Variants in DPYSL2 observed in about 807,000 individuals in gnomAD.
The protein encoded by DPYSL2 is dihydropyrimidinase-related protein 2.
In DPYSL2, 13 loss-of-function variants were observed where a neutral mutation model predicts 69.9. The observed-to-expected ratio is 0.19, with a 90% CI of 0.12 to 0.30. DPYSL2 has a LOEUF of 0.30. Ranked by LOEUF, DPYSL2 falls within the 10% of genes least tolerant of loss-of-function variation. DPYSL2 has a pLI of 1.00. For synonymous variants in DPYSL2, 326 were observed against 359.1 expected (o/e 0.91, Z 1.04); for missense variants, 587 against 918.9 (o/e 0.64, Z 4.67).
chr8:26,590,314 T>A (rs68019818), intron 3 of DPYSL2, among the ~76,000 whole-genome samples: 56,784 of 152,072 alleles, frequency 0.37, 12,883 homozygotes, highest in East Asian at 0.68. Context: ...GCTCCTCCCC[T>A]TGTCCCCTCA....
intron 1 of DPYSL2, chr8:26,577,329 C>T (rs1161158704): frequency 8.4e-6 from 2 of 239,352 alleles, no homozygotes; most frequent in South Asian, 4.1e-5. Flanking sequence ...TCCCGCCCGC[C>T]GCCGTTCCAG....
At chr8:26,529,196 C>A (rs1266381234) in intron 1 of DPYSL2, among the ~76,000 whole-genome samples, 1 of 151,936 alleles carries the variant, frequency 6.6e-6, no homozygotes, top group Admixed American at 6.6e-5. Context: ...GGCCTAAGAT[C>A]GTTATAAGAT....
chr8:26,625,830 A>G (rs1802600439), intron 4 of DPYSL2, among the ~76,000 whole-genome samples: 1 of 152,240 alleles, frequency 6.6e-6, no homozygotes, highest in South Asian at 2.1e-4. Flanking sequence ...TAAAATAAAT[A>G]TAACATTCAA....
chr8:26,579,240 C>CA (rs1563394591), intron 1 of DPYSL2, among the ~76,000 whole-genome samples: 3 of 152,220 alleles, frequency 2.0e-5, no homozygotes. Context: ...TTGCAAACCA[C>CA]GGGGAAAACG....
chr8:26,649,501 T>A (rs1209018453), intron 11 of DPYSL2, among the ~76,000 whole-genome samples: 2 of 152,222 alleles, frequency 1.3e-5, no homozygotes, highest in African/African-American at 2.4e-5. Flanking sequence ...CCTACCCTGC[T>A]TTTACCTCCA....
Position 26,627,090 on chromosome 8 carries a change from G to A in DPYSL2, c.856-125G>A. ...CCCTCATCATATCAAAAAAAGTCAG[G>A]CTAATAGAATCGCCTAGGTGTCCTG... On this transcript the variant is annotated intron_variant, in intron 5 of 13. Coordinates refer to ENST00000521913, the MANE Select transcript of DPYSL2 (RefSeq NM_001197293.3). The surrounding 1 kb of genome is among the most constrained non-coding windows in gnomAD (Gnocchi z 6.9). The A allele has an allele frequency of 1.2e-6, 1 of 840,152 alleles. No homozygotes were observed. Among genetic ancestry groups the A allele is most frequent in the Non-Finnish European group, 1.9e-6 (1 of 513,952 alleles). The allele number at this position is 840,152 out of a possible 1,614,324, so 52.0% of individuals were successfully genotyped here.
At chr8:26,612,479 C>T (rs886596129) in intron 3 of DPYSL2, among the ~76,000 whole-genome samples, 9 of 152,126 alleles carry the variant, frequency 5.9e-5, no homozygotes, top group African/African-American at 1.4e-4. Context: ...GTAGATTCTC[C>T]GCAAGAATGG....
At chr8:26,628,984 T>TGTGTA (rs899602535) in intron 7 of DPYSL2, among the ~76,000 whole-genome samples, 6 of 152,260 alleles carry the variant, frequency 3.9e-5, no homozygotes, top group African/African-American at 1.4e-4. Context: ...AGGCACCATC[T>TGTGTA]GTGTACTGCC....
chr8:26,577,811 G>A, intron 1 of DPYSL2: 1 of 993,972 alleles, frequency 1.0e-6, no homozygotes, highest in South Asian at 4.4e-5. Context: ...CCGCCCCACC[G>A]GCCTAAATTT....
intron 1 of DPYSL2, among the ~76,000 whole-genome samples, chr8:26,559,390 T>G (rs2129656923): frequency 6.6e-6 from 1 of 152,350 alleles, no homozygotes; most frequent in South Asian, 2.1e-4. Context: ...CCACAAAGAT[T>G]GTACCAATTT....
rs566192095 is a variant in DPYSL2, at chr8:26,644,834, A to G, written c.1425+743A>G. On this transcript the variant is annotated intron_variant, in intron 10 of 13. Coordinates refer to ENST00000521913, the MANE Select transcript of DPYSL2 (RefSeq NM_001197293.3). The surrounding 1 kb of genome is among the most constrained non-coding windows in gnomAD (Gnocchi z 4.5). The stretch of plus-strand genomic sequence containing the variant: ...ACTGCCAGCTTCCAGTAGGCCTGCT[A>G]TGAACATACACTGACCTTTAGAGGA... Among the ~76,000 whole-genome samples, 13 of 152,300 alleles carry G rather than the reference A, an allele frequency of 8.5e-5. No homozygotes were observed. The highest frequency in any genetic ancestry group is 2.1e-4 in the South Asian group (1 of 4,824).
At chr8:26,523,604 A>G (rs930437000) in intron 1 of DPYSL2, among the ~76,000 whole-genome samples, 3 of 152,184 alleles carry the variant, frequency 2.0e-5, no homozygotes, top group Non-Finnish European at 2.9e-5. Context: ...TTCACTTAGC[A>G]TAATGTCCTC....
rs1353251368 is a variant in DPYSL2, at chr8:26,598,404, C to A, written c.628+14421C>A. ...CTCCTGAATTTCTTTTCTTGCTAAG[C>A]CTATTCAGCTCTGTTTTTTAGAGAG... On this transcript the variant is annotated intron_variant, in intron 3 of 13. Transcript: ENST00000521913. This position sits in a 1 kb window ranked among gnomAD's most constrained non-coding sequence, Gnocchi z 4.2. 6.6e-6 allele frequency among the ~76,000 whole-genome samples: 1 copy of A among 152,134 alleles called. No homozygotes were observed. Among genetic ancestry groups the A allele is most frequent in the East Asian group, 1.9e-4 (1 of 5,194 alleles).
chr8:26,547,913 A>G, intron 1 of DPYSL2: 1 of 272,236 alleles, frequency 3.7e-6, no homozygotes, highest in Non-Finnish European at 7.7e-6. Flanking sequence ...TCCCCATCCC[A>G]GACCCTCTAT....
chr8:26,573,141 GAAT>G (rs1352792276), intron 1 of DPYSL2, among the ~76,000 whole-genome samples: 1 of 152,220 alleles, frequency 6.6e-6, no homozygotes, highest in Non-Finnish European at 1.5e-5. Flanking sequence ...GCCCCGCAGA[GAAT>G]AATAAGCTGT....
chr8:26,552,276 T>C (rs559185883), intron 1 of DPYSL2, among the ~76,000 whole-genome samples: 5 of 152,316 alleles, frequency 3.3e-5, no homozygotes, highest in Admixed American at 1.3e-4. Context: ...TAAACGCATA[T>C]ATTAGAAAAG....
rs62491879 is a variant in DPYSL2, at chr8:26,564,076, C to T, written c.355-17893C>T. 0.013 allele frequency among the ~76,000 whole-genome samples: 1,977 copies of T among 152,014 alleles called. 22 individuals are homozygous for T. The highest frequency in any genetic ancestry group is 0.075 in the Middle Eastern group (22 of 294). On this transcript the variant is annotated intron_variant, in intron 1 of 13. Transcript: ENST00000521913. This position sits in a 1 kb window ranked among gnomAD's most constrained non-coding sequence, Gnocchi z 4.8. ...GCCAGAAAAAAAGGCATCACAGAAG[C>T]GAGGGAGGGGAATTTGGAAGAAAAA...
rs190174196 is a variant in DPYSL2, at chr8:26,528,604, G to A, written c.354+13925G>A. 3.2e-3 allele frequency among the ~76,000 whole-genome samples: 482 copies of A among 150,336 alleles called. 1 individual carries two copies. The highest frequency in any genetic ancestry group is 0.011 in the African/African-American group (432 of 40,802). On this transcript the variant is annotated intron_variant, in intron 1 of 13. Transcript: ENST00000521913. Reference sequence around the variant, plus strand: ...GGAGGTTGCAGTGAGCCAAGATCGCGCCACTGCACTCCAGCCTGGCGACTA... The same window carrying A: ...GGAGGTTGCAGTGAGCCAAGATCGCACCACTGCACTCCAGCCTGGCGACTA...
intron 3 of DPYSL2, among the ~76,000 whole-genome samples, chr8:26,603,883 G>A (rs1802049856): frequency 6.6e-6 from 1 of 152,076 alleles, no homozygotes; most frequent in African/African-American, 2.4e-5. Context: ...TTCATCCATT[G>A]ATTGATAGAT....
Sources: gnomAD v4.1 joint callset for allele counts (sites outside exome capture counted in the v4.1 genomes callset) on GRCh38, gnomAD v4.1.1 for gene constraint, Gnocchi (gnomAD v3.1) non-coding constraint, MANE v1.5 for transcripts, NCBI Gene and HGNC (gene_info 2026-07-23, HGNC 2026-07-21) for gene names.